TSC2: variants seen among roughly 807,000 people sequenced by gnomAD.
TSC2 encodes tuberin.
Under a neutral mutation model 202.2 loss-of-function variants are expected in TSC2, and 29 were observed. The observed-to-expected ratio is 0.14, with a 90% CI of 0.11 to 0.20. The LOEUF is 0.20. TSC2 is among the 10% of genes least tolerant of loss of function. TSC2 has a pLI of 1.00. For synonymous variants in TSC2, 1,349 were observed against 1,044.0 expected, an observed-to-expected ratio of 1.29 and a Z score of -5.63; for missense variants, 2,429 against 2,420.0, an observed-to-expected ratio of 1.00 and a Z score of -0.08.
In TSC2 at chr16:2,084,313, C is replaced by T. The variant is rs1245757559; in HGVS notation, c.4091C>T (p.Ser1364Phe). The change falls in exon 34 of 42, where the codon TCC (serine) becomes TTC (phenylalanine). Residue 1364 changes from serine to phenylalanine, a missense_variant. Coordinates refer to ENST00000219476, the MANE Select transcript of TSC2 (RefSeq NM_000548.5). Reference protein sequence around the residue: ...GRGIPIERVVSSEGGRPSVDL... With the variant: ...GRGIPIERVVFSEGGRPSVDL... ...GGCATCCCCATCGAGCGAGTCGTCT[C>T]CTCGGAGGGTGGCCGGCCCTCTGTG... 32 of 1,612,652 alleles carry T rather than the reference C, an allele frequency of 2.0e-5. No homozygotes were observed. Among genetic ancestry groups the T allele is most frequent in the Non-Finnish European group, 2.6e-5 (31 of 1,179,974 alleles).
chr16:2,054,734 A>T, intron 5 of TSC2: 1 of 499,154 alleles, frequency 2.0e-6, no homozygotes, highest in Non-Finnish European at 3.7e-6. Flanking sequence ...TGTCACTGGG[A>T]GGTGGTGCTG....
chr16:2,054,171 G>A, intron 4 of TSC2, 125 bp from the exon 5 acceptor site: 1 of 1,463,154 alleles, frequency 6.8e-7, no homozygotes. Flanking sequence ...CTCTTGCAGG[G>A]CGCCTCTGTG....
At chr16:2,058,634 C>A in intron 9 of TSC2, 113 bp from the exon 10 acceptor site, 5 of 1,491,900 alleles carry the variant, frequency 3.4e-6, no homozygotes, top group South Asian at 2.4e-5. Context: ...CTGCCCCCCC[C>A]AAGCACAGGG....
At chr16:2,071,988 G>A (rs1250393025) in intron 19 of TSC2, 54 bp downstream of exon 19, 5 of 1,523,838 alleles carry the variant, frequency 3.3e-6, no homozygotes, top group Non-Finnish European at 4.4e-6. Flanking sequence ...GGAGGACAGG[G>A]AGCTGCCACC....
chr16:2,069,473 A>G (rs1596331012), intron 16 of TSC2, among the ~76,000 whole-genome samples: 1 of 140,834 alleles, frequency 7.1e-6, no homozygotes, highest in Admixed American at 7.1e-5. Flanking sequence ...ATGCACCACC[A>G]CACCTGGCTA....
chr16:2,067,386 T>A (rs1406327843), intron 16 of TSC2, among the ~76,000 whole-genome samples: 1 of 151,688 alleles, frequency 6.6e-6, no homozygotes, highest in Non-Finnish European at 1.5e-5. Context: ...GGCATCAACC[T>A]CCTGGCCTCA....
intron 12 of TSC2, 53 bp from the exon 13 acceptor site, chr16:2,062,444 A>C: frequency 1.3e-6 from 2 of 1,521,858 alleles, no homozygotes; most frequent in Non-Finnish European, 1.8e-6. Context: ...CCCAGTGTGG[A>C]GAAGGAGAGC....
Position 2,081,774 on chromosome 16 carries a change from C to T in TSC2, c.3790C>T (p.Pro1264Ser), listed in dbSNP as rs2090171531. Reference sequence around the variant, plus strand: ...GCCGGCAGCCAGCACGGCCAAACCCCCTCCTCTGCCTCGCTCCAACACAGG... The same window carrying T: ...GCCGGCAGCCAGCACGGCCAAACCCTCTCCTCTGCCTCGCTCCAACACAGG... ...SVPAASTAKP[P>S]PLPRSNTVAS... Residue 1264 changes from proline (P) to serine (S), a missense_variant, in exon 31 of 42, where the codon CCT (proline) becomes TCT (serine). Transcript: ENST00000219476. The T allele has an allele frequency of 1.2e-6, 2 of 1,612,538 alleles. No homozygotes were observed. Among genetic ancestry groups the T allele is most frequent in the Non-Finnish European group, 1.7e-6 (2 of 1,179,988 alleles).
At chr16:2,060,447 T>C (rs773428186) in intron 10 of TSC2, among the ~76,000 whole-genome samples, 23 of 152,222 alleles carry the variant, frequency 1.5e-4, no homozygotes, top group Non-Finnish European at 2.9e-4. Context: ...TCAGGGACTT[T>C]GCAGGCAGGC....
At chr16:2,059,954 C>A (rs370543189) in intron 10 of TSC2, among the ~76,000 whole-genome samples, 3 of 152,212 alleles carry the variant, frequency 2.0e-5, no homozygotes, top group African/African-American at 7.2e-5. Flanking sequence ...AGCCACTGCG[C>A]GCAGCCCAAA....
intron 25 of TSC2, 99 bp downstream of exon 25, chr16:2,076,684 G>C: frequency 8.0e-7 from 1 of 1,243,726 alleles, no homozygotes; most frequent in Non-Finnish European, 1.2e-6. Flanking sequence ...GAGTGGAAAT[G>C]GGTCCTGTGT....
intron 30 of TSC2, chr16:2,081,167 C>G: frequency 3.1e-6 from 1 of 317,714 alleles, no homozygotes; most frequent in South Asian, 2.8e-5. Flanking sequence ...TAAAGCATAC[C>G]AACATGGGGG....
chr16:2,081,930 A>G lies in TSC2; in HGVS notation c.3814+132A>G, dbSNP rs1596401610. ...GTGGTCCCTGGCCTGCCTCAGCACC[A>G]TTGTTCTCCGGTGTTTGGGAGGAGG... On this transcript the variant is annotated intron_variant, in intron 31 of 41. Transcript: ENST00000219476. 4 of 1,272,546 alleles carry G rather than the reference A, an allele frequency of 3.1e-6. 1 individual carries two copies. The highest frequency in any genetic ancestry group is 5.1e-5 in the East Asian group (2 of 39,580). The allele number at this position is 1,272,546 out of a possible 1,614,324, so 78.8% of individuals were successfully genotyped here. A position where few individuals can be genotyped will look rare whatever the true frequency, so the allele number is the denominator to read the frequency against.
intron 33 of TSC2, 93 bp downstream of exon 33, chr16:2,083,909 T>G (rs976047644): frequency 6.7e-7 from 1 of 1,503,576 alleles, no homozygotes; most frequent in African/African-American, 1.4e-5. Context: ...CCCTGGGAAC[T>G]GGCTCTGAAC....
intron 16 of TSC2, 80 bp from the exon 17 acceptor site, chr16:2,070,376 C>G: frequency 6.2e-7 from 1 of 1,611,642 alleles, no homozygotes; most frequent in South Asian, 1.1e-5. Flanking sequence ...CGCCCCGGCC[C>G]CTGCTCCGGG....
chr16:2,079,941 C>T lies in TSC2; in HGVS notation c.3398-224C>T, dbSNP rs1399366777. Among the ~76,000 whole-genome samples the T allele has an allele frequency of 6.6e-6, 1 of 152,224 alleles. No homozygotes were observed. Among genetic ancestry groups the T allele is most frequent in the Non-Finnish European group, 1.5e-5 (1 of 68,026 alleles). ...TCAGTCCTGGAGCCCTTCTCTGCTC[C>T]AGCGAGCCGTGGTCTGACTGCAGGA... On this transcript the variant is annotated intron_variant, in intron 29 of 41. Coordinates refer to ENST00000219476, the MANE Select transcript of TSC2 (RefSeq NM_000548.5). This position sits in a 1 kb window ranked among gnomAD's most constrained non-coding sequence, Gnocchi z 4.6.
intron 12 of TSC2, 68 bp downstream of exon 12, chr16:2,062,076 G>C: frequency 6.2e-7 from 1 of 1,604,974 alleles, no homozygotes; most frequent in South Asian, 1.1e-5. Flanking sequence ...GCTGGGTGAA[G>C]TGCAGCTTTC....
In TSC2 at chr16:2,071,882, G is replaced by A. The variant is rs1567465004; in HGVS notation, c.2045G>A (p.Gly682Glu). The A allele has an allele frequency of 2.5e-6, 4 of 1,597,590 alleles. No homozygotes were observed. Among genetic ancestry groups the A allele is most frequent in the South Asian group, 1.1e-5 (1 of 88,572 alleles). Residue 682 changes from glycine (G) to glutamate (E), a missense_variant, in exon 19 of 42, where the codon GGG (glycine) becomes GAG (glutamate). Coordinates refer to ENST00000219476, the MANE Select transcript of TSC2 (RefSeq NM_000548.5). ...CCTGCAGGCCCCGCCGTGCGGCTGG[G>A]GTCCGTGCCCTACTCCCTGCTCTTC... Reference protein sequence around the residue: ...PAPAGPAVRLGSVPYSLLFRV... With the variant: ...PAPAGPAVRLESVPYSLLFRV...
chr16:2,076,629 A>AAGG, intron 25 of TSC2, 44 bp downstream of exon 25: 5 of 1,600,174 alleles, frequency 3.1e-6, no homozygotes, highest in Non-Finnish European at 4.3e-6. Context: ...TGGGGTGGGG[A>AAGG]AGGACATGGG....
Sources: allele counts gnomAD v4.1 joint callset (sites outside exome capture counted in the v4.1 genomes callset), GRCh38; gene constraint gnomAD v4.1.1; non-coding constraint Gnocchi (gnomAD v3.1); transcripts MANE v1.5; gene names NCBI Gene and HGNC (gene_info 2026-07-23, HGNC 2026-07-21).